Variants in DMD observed in about 807,000 individuals in gnomAD.
DMD encodes the protein mutant dystrophin.
Under a neutral mutation model 330.1 loss-of-function variants are expected in DMD, and 63 were observed. The ratio of observed to expected loss-of-function variants is 0.19; its 90% CI spans 0.16 to 0.24. The LOEUF (loss-of-function observed/expected upper bound fraction) is 0.24, where lower values mean the gene tolerates loss of function less well. DMD is among the 10% of genes least tolerant of loss of function. The pLI is 1.00. For missense variants in DMD, 3,344 were observed against 2,684.1 expected (o/e 1.25, Z -5.43); for synonymous variants, 1,223 against 959.8 (o/e 1.27, Z -5.07).
intron 51 of DMD, among the ~76,000 whole-genome samples, chrX:31,769,303 A>T (rs1417376648): frequency 4.4e-5 from 5 of 112,400 alleles, no homozygotes; most frequent in Admixed American, 9.5e-5. Flanking sequence ...TATAATCCTC[A>T]CATTCCAGTC....
In DMD at chrX:32,008,006, G is replaced by T. The variant is rs115877681; in HGVS notation, c.6439-39492C>A. 3.3e-4 allele frequency among the ~76,000 whole-genome samples: 36 copies of T among 108,770 alleles called. No individual in the cohort carries two copies. The South Asian group carries it at 4.5e-3, about 14-fold the overall frequency. 94.5% of individuals were successfully genotyped at this position (108,770 alleles called of 115,157 possible). On this transcript the variant is annotated intron_variant, in intron 44 of 78. Coordinates refer to ENST00000357033, the MANE Select transcript of DMD (RefSeq NM_004006.3). ...ATGTAAGATAACACTTACTAAAAAA[G>T]AAATTATCTGATGCATGTGAAAATT...
chrX:32,336,467 C>G (rs758903880), intron 41 of DMD, among the ~76,000 whole-genome samples: 19 of 111,956 alleles, frequency 1.7e-4, no homozygotes, highest in Non-Finnish European at 2.4e-4. Flanking sequence ...GTAGGACAAG[C>G]TATCCATTGC....
chrX:31,797,349 T>G (rs1217428005), intron 50 of DMD, among the ~76,000 whole-genome samples: 1 of 109,710 alleles, frequency 9.1e-6, no homozygotes, highest in African/African-American at 3.3e-5. Flanking sequence ...ATGTGCAATC[T>G]CAGAAACTAA....
At chrX:33,335,509 C>A (rs1195182023) in intron 1 of DMD, among the ~76,000 whole-genome samples, 2 of 110,549 alleles carry the variant, frequency 1.8e-5, no homozygotes, top group African/African-American at 3.3e-5. Flanking sequence ...ATTTTATGAA[C>A]CTTAGCTTAG....
intron 45 of DMD, among the ~76,000 whole-genome samples, chrX:31,950,869 A>G (rs1241378987): frequency 1.9e-5 from 2 of 107,228 alleles, no homozygotes; most frequent in Middle Eastern, 4.3e-3. Flanking sequence ...TTTGGCTCTA[A>G]TACATTTCTC....
intron 17 of DMD, among the ~76,000 whole-genome samples, chrX:32,543,100 G>A (rs1424897464): frequency 1.8e-5 from 2 of 111,569 alleles, no homozygotes; most frequent in African/African-American, 6.5e-5. Context: ...GAGGTTACTG[G>A]GAAAAATACA....
intron 50 of DMD, among the ~76,000 whole-genome samples, chrX:31,806,765 T>C (rs1293363303): frequency 8.9e-6 from 1 of 112,406 alleles, no homozygotes; most frequent in Admixed American, 9.5e-5. Flanking sequence ...ATGAGAAAAA[T>C]AAATTCCAGC....
intron 55 of DMD, among the ~76,000 whole-genome samples, chrX:31,523,793 C>A (rs757562649): frequency 3.6e-5 from 4 of 111,788 alleles, no homozygotes; most frequent in Non-Finnish European, 7.5e-5. Flanking sequence ...AGTTCAAGAT[C>A]AAAGGAAAAG....
chrX:33,212,955 A>G (rs1464409779), upstream of DMD, among the ~76,000 whole-genome samples: 1 of 111,536 alleles, frequency 9.0e-6, no homozygotes, highest in African/African-American at 3.3e-5. Flanking sequence ...TGCCCAGAGT[A>G]TAAGTGCCCT....
intron 1 of DMD, among the ~76,000 whole-genome samples, chrX:33,277,079 C>T (rs111429005): frequency 0.032 from 3,515 of 111,397 alleles, 135 homozygotes; most frequent in African/African-American, 0.11. Flanking sequence ...TGTACCATCA[C>T]CTCAAGACAC....
intron 48 of DMD, among the ~76,000 whole-genome samples, chrX:31,849,252 G>A (rs1453617749): frequency 1.8e-5 from 2 of 109,894 alleles, no homozygotes; most frequent in Non-Finnish European, 1.9e-5. Flanking sequence ...TTGCTCATTC[G>A]ACAAACATTT....
intron 7 of DMD, among the ~76,000 whole-genome samples, chrX:32,746,366 G>A (rs2070011221): frequency 8.9e-6 from 1 of 112,051 alleles, no homozygotes; most frequent in East Asian, 2.8e-4. Flanking sequence ...ACACCATCCA[G>A]CAGAATCTCA....
chrX:33,175,914 T>G (rs1486816593), intron 1 of DMD, among the ~76,000 whole-genome samples: 1 of 111,800 alleles, frequency 8.9e-6, no homozygotes, highest in Non-Finnish European at 1.9e-5. Flanking sequence ...ATTATCTCAT[T>G]TAATCTTCAT....
intron 4 of DMD, among the ~76,000 whole-genome samples, chrX:32,823,680 G>C (rs774308498): frequency 8.9e-6 from 1 of 111,766 alleles, no homozygotes; most frequent in South Asian, 3.7e-4. Flanking sequence ...TTAAAATTAA[G>C]ATATGCTTTC....
At chrX:31,887,015 C>T (rs184965192) in intron 47 of DMD, among the ~76,000 whole-genome samples, 31 of 111,438 alleles carry the variant, frequency 2.8e-4, no homozygotes, top group African/African-American at 8.4e-4. Context: ...TCCCAGTGTA[C>T]GCATGTGACT....
chrX:33,051,089 G>A (rs921795869), intron 1 of DMD, among the ~76,000 whole-genome samples: 2 of 111,424 alleles, frequency 1.8e-5, no homozygotes, highest in South Asian at 3.7e-4. Context: ...TGTAAGTAAC[G>A]TACCCTTTAA....
At chrX:33,302,516 G>T (rs977223362) in intron 1 of DMD, among the ~76,000 whole-genome samples, 1 of 111,516 alleles carries the variant, frequency 9.0e-6, no homozygotes, top group Non-Finnish European at 1.9e-5. Flanking sequence ...TATTTCTTGG[G>T]CATTTATATT....
intron 11 of DMD, among the ~76,000 whole-genome samples, chrX:32,627,795 T>G: frequency 8.9e-6 from 1 of 111,981 alleles, no homozygotes; most frequent in Non-Finnish European, 1.9e-5. Context: ...ATTAATAATT[T>G]TATTATTTTC....
chrX:32,002,356 G>A (rs1438064890), intron 44 of DMD, among the ~76,000 whole-genome samples: 1 of 111,307 alleles, frequency 9.0e-6, no homozygotes, highest in Non-Finnish European at 1.9e-5. Flanking sequence ...CCGTTAACAG[G>A]GCAGTGAAGC....
Sources: gnomAD v4.1 joint callset for allele counts (sites outside exome capture counted in the v4.1 genomes callset) on GRCh38, gnomAD v4.1.1 for gene constraint, MANE v1.5 for transcripts, NCBI Gene and HGNC (gene_info 2026-07-23, HGNC 2026-07-21) for gene names.